Variants in LRP1B observed in about 807,000 individuals in gnomAD.
LRP1B encodes LDL receptor related protein 1B.
LRP1B carries 217 observed loss-of-function variants against 556.6 expected under a neutral mutation model. The observed-to-expected ratio is 0.39, with a 90% CI of 0.35 to 0.44. LRP1B has a LOEUF of 0.44. Ranked by LOEUF, LRP1B falls within the 20% of genes least tolerant of loss-of-function variation. The pLI is 1.00. For missense variants in LRP1B, 5,053 were observed against 5,620.8 expected (o/e 0.90, Z 3.23); for synonymous variants, 2,047 against 1,865.8 (o/e 1.10, Z -2.50).
chr2:140,878,866 G>A (rs756329492), intron 25 of LRP1B, among the ~76,000 whole-genome samples: 7 of 151,940 alleles, frequency 4.6e-5, no homozygotes, highest in Non-Finnish European at 8.8e-5. Context: ...CATTGGCTGG[G>A]CGTGGTGGCA....
At chr2:141,614,545 A>G (rs1463198692) in intron 2 of LRP1B, among the ~76,000 whole-genome samples, 1 of 152,216 alleles carries the variant, frequency 6.6e-6, no homozygotes, top group Non-Finnish European at 1.5e-5. Context: ...CTTAATACCA[A>G]TGTGACTGGT....
chr2:141,905,577 T>A (rs1699730992), intron 1 of LRP1B, among the ~76,000 whole-genome samples: 1 of 151,570 alleles, frequency 6.6e-6, no homozygotes, highest in South Asian at 2.1e-4. Flanking sequence ...AACTTAAGCA[T>A]GATTGGAAGT....
intron 66 of LRP1B, among the ~76,000 whole-genome samples, chr2:140,434,355 C>T (rs1341370472): frequency 6.6e-6 from 1 of 152,090 alleles, no homozygotes; most frequent in East Asian, 1.9e-4. Context: ...CAGGTGTGAG[C>T]CACCATACCC....
At chr2:140,748,373 G>GTA (rs1218829527) in intron 35 of LRP1B, among the ~76,000 whole-genome samples, 1 of 72,078 alleles carries the variant, frequency 1.4e-5, no homozygotes, top group East Asian at 5.1e-4. Context: ...ATTTATATAT[G>GTA]TATATATATT....
Position 141,896,879 on chromosome 2 carries a change from AACTGGG to A in LRP1B, c.83-86484_83-86479del, listed in dbSNP as rs1265636438. On this transcript the variant is annotated intron_variant, in intron 1 of 90. Transcript: ENST00000389484. ...CCCCACATTGGTATCTCAGGGATGG[AACTGGG>A]CATAGTCCCAGTGATGGACCCTGTC... is the stretch of plus-strand genomic sequence containing the variant. Among the ~76,000 whole-genome samples the A allele has an allele frequency of 2.6e-5, 4 of 152,162 alleles. No homozygotes were observed. In the East Asian group the frequency reaches 7.7e-4, roughly 29 times the overall value.
intron 3 of LRP1B, among the ~76,000 whole-genome samples, chr2:141,321,412 T>C (rs1687236878): frequency 6.6e-6 from 1 of 152,170 alleles, no homozygotes; most frequent in South Asian, 2.1e-4. Flanking sequence ...ACTGACTTAA[T>C]GGTCATACTC....
intron 47 of LRP1B, among the ~76,000 whole-genome samples, chr2:140,530,277 AG>A (rs1242243182): frequency 4.6e-5 from 7 of 152,012 alleles, no homozygotes; most frequent in Admixed American, 1.3e-4. Flanking sequence ...TGTACAAAAA[AG>A]CACTGCATCT....
intron 6 of LRP1B, among the ~76,000 whole-genome samples, chr2:141,209,941 G>A (rs1011602873): frequency 6.6e-6 from 1 of 152,072 alleles, no homozygotes; most frequent in African/African-American, 2.4e-5. Context: ...AAAGTGAGTT[G>A]TATGAAGTTA....
intron 35 of LRP1B, among the ~76,000 whole-genome samples, chr2:140,743,612 G>C (rs139308158): frequency 6.6e-6 from 1 of 152,062 alleles, no homozygotes; most frequent in Non-Finnish European, 1.5e-5. Flanking sequence ...CTTTAACACA[G>C]TGCCTTGCAT....
rs914387086 is a variant in LRP1B at position 140,917,083 on chromosome 2, T to A, written c.3319+5882A>T. Among the ~76,000 whole-genome samples, 7 of 152,132 alleles carry A rather than the reference T, an allele frequency of 4.6e-5. 1 individual carries two copies. The highest frequency in any genetic ancestry group is 3.9e-4 in the Admixed American group (6 of 15,260). The stretch of plus-strand genomic sequence containing the variant: ...AAAGCAATTTAATGGCAAATGAACA[T>A]TTGAAAATATACTCAAAATAATATG... On this transcript the variant is annotated intron_variant, in intron 21 of 90. Coordinates refer to ENST00000389484, the MANE Select transcript of LRP1B (RefSeq NM_018557.3).
intron 7 of LRP1B, among the ~76,000 whole-genome samples, chr2:141,165,019 G>A (rs1680189591): frequency 6.6e-6 from 1 of 151,860 alleles, no homozygotes; most frequent in Non-Finnish European, 1.5e-5. Flanking sequence ...TAAGAATCCA[G>A]CTTCTCAATA....
At chr2:142,032,778 C>G (rs2105199820) in intron 1 of LRP1B, among the ~76,000 whole-genome samples, 1 of 151,864 alleles carries the variant, frequency 6.6e-6, no homozygotes, top group East Asian at 2.0e-4. Context: ...CTGTTTTCAG[C>G]TAAACATGGG....
At chr2:140,803,260 GTTTTTTTTTTTTTTT>G (rs11352164) in intron 32 of LRP1B, among the ~76,000 whole-genome samples, 2 of 102,238 alleles carry the variant, frequency 2.0e-5, no homozygotes, top group African/African-American at 1.0e-4. Context: ...CCTATTGAAA[GTTTTTTTTTTTTTTT>G]TTTTTTTTTT....
intron 7 of LRP1B, among the ~76,000 whole-genome samples, chr2:141,167,663 G>A (rs1033734588): frequency 1.3e-5 from 2 of 151,814 alleles, no homozygotes; most frequent in African/African-American, 2.4e-5. Flanking sequence ...TCATCTAGGT[G>A]TTAATTCATC....
intron 2 of LRP1B, among the ~76,000 whole-genome samples, chr2:141,638,860 CATAT>C (rs144725766): frequency 0.02 from 1,083 of 53,306 alleles, 138 homozygotes; most frequent in African/African-American, 0.056. Context: ...GTAAGGTAGC[CATAT>C]ATATATATAT....
chr2:141,376,750 A>G (rs1419703596), intron 3 of LRP1B, among the ~76,000 whole-genome samples: 1 of 152,228 alleles, frequency 6.6e-6, no homozygotes, highest in Non-Finnish European at 1.5e-5. Flanking sequence ...AGAAAGAAAT[A>G]ACACATTATT....
chr2:141,286,346 G>T (rs556312653), intron 3 of LRP1B, among the ~76,000 whole-genome samples: 1 of 152,078 alleles, frequency 6.6e-6, no homozygotes, highest in South Asian at 2.1e-4. Flanking sequence ...TGTATTAAAA[G>T]ATTTGGCTTG....
chr2:140,839,501 G>A (rs1692030632), intron 31 of LRP1B, among the ~76,000 whole-genome samples: 1 of 152,180 alleles, frequency 6.6e-6, no homozygotes, highest in African/African-American at 2.4e-5. Flanking sequence ...CAGACTTGGT[G>A]AGTCTTCTGG....
intron 1 of LRP1B, among the ~76,000 whole-genome samples, chr2:141,810,774 T>C (rs1696329842): frequency 6.6e-6 from 1 of 152,130 alleles, no homozygotes; most frequent in African/African-American, 2.4e-5. Flanking sequence ...TTTAGTTTCT[T>C]TCTCAGCTCT....
Sources: gnomAD v4.1 joint callset for allele counts (sites outside exome capture counted in the v4.1 genomes callset) on GRCh38, gnomAD v4.1.1 for gene constraint, MANE v1.5 for transcripts, NCBI Gene and HGNC (gene_info 2026-07-23, HGNC 2026-07-21) for gene names.